Variants in ADAM15 observed in about 807,000 individuals in gnomAD.
ADAM15 encodes the protein ADAM metallopeptidase domain 15.
Under a neutral mutation model 113.8 loss-of-function variants are expected in ADAM15, and 77 were observed. The ratio of observed to expected loss-of-function variants is 0.68; its 90% CI spans 0.56 to 0.82. ADAM15 has a LOEUF of 0.82. Ranked by LOEUF, ADAM15 falls within the 40% of genes least tolerant of loss-of-function variation. The probability of loss-of-function intolerance (pLI) is 0.00; values close to 1 mark genes in which losing one functional copy is unlikely to be tolerated. For missense variants in ADAM15, 963 were observed against 1,120.1 expected (o/e 0.86, Z 2.00); for synonymous variants, 388 against 454.1 (o/e 0.85, Z 1.85).
At chr1:155,055,325 A>G (rs1661611023) in intron 6 of ADAM15, 1 of 165,672 alleles carries the variant, frequency 6.0e-6, no homozygotes, top group African/African-American at 2.4e-5. Context: ...TCCCAGGTTC[A>G]CGCCATTCTC....
chr1:155,060,398 G>T, intron 18 of ADAM15, 55 bp downstream of exon 18: 1 of 1,600,010 alleles, frequency 6.2e-7, no homozygotes, highest in Non-Finnish European at 8.5e-7. Context: ...AGTGCTGAAG[G>T]CTGCCTCACC....
intron 16 of ADAM15, among the ~76,000 whole-genome samples, chr1:155,059,539 G>A (rs1412363067): frequency 6.6e-6 from 1 of 152,148 alleles, no homozygotes; most frequent in African/African-American, 2.4e-5. Flanking sequence ...TGAGGCAGGA[G>A]GACTGCTTGA....
In ADAM15 at chr1:155,053,086, A is replaced by T. The variant is rs1661293850; in HGVS notation, c.186+309A>T. On this transcript the variant is annotated intron_variant, in intron 2 of 22. Coordinates refer to ENST00000356955, the MANE Select transcript of ADAM15 (RefSeq NM_207197.3). ...CGGTTTTCTCAGTGGGGGGATTTGG[A>T]AAGAGTCAGGACCTTACCAAACCCC... 2.0e-5 allele frequency among the ~76,000 whole-genome samples: 3 copies of T among 150,292 alleles called. 1 individual carries two copies. Among genetic ancestry groups the T allele is most frequent in the African/African-American group, 7.4e-5 (3 of 40,648 alleles).
rs1426720563 is a variant in ADAM15, at chr1:155,054,349, C to A, written c.455C>A (p.Thr152Asn). The change falls in exon 6 of 23, where the codon ACC becomes AAC. Residue 152 changes from threonine to asparagine, a missense_variant. By Grantham distance (65) the Thr-to-Asn change is moderately conservative (BLOSUM62 0). Transcript: ENST00000356955. ...LVVLTPERSYTLEQGPGDLQG... is the reference protein window; with the variant it reads ...LVVLTPERSYNLEQGPGDLQG... ...GTCCTGACCCCAGAGAGAAGCTATA[C>A]CCTGGAGCAGGGGCCTGGGGACCTT... 5 of 1,610,474 alleles carry A rather than the reference C, an allele frequency of 3.1e-6. No homozygotes were observed. In the African/African-American group the frequency reaches 5.4e-5, roughly 17 times the overall value.
rs1290004148 is a variant in ADAM15, at chr1:155,056,455, A to G, written c.984A>G (p.Ser328=). The G allele has an allele frequency of 6.2e-7, 1 of 1,613,954 alleles. No homozygotes were observed. Among genetic ancestry groups the G allele is most frequent in the Admixed American group, 1.7e-5 (1 of 60,026 alleles). The part of the protein sequence containing the change: ...IQNSICSPDF[S]GGVNMDHSTS... ...ACTCCATCTGTTCTCCTGACTTCTC[A>G]GGAGGTGTGAACATGGTGAGTTATT... Residue 328 remains serine (S), a synonymous_variant, in exon 10 of 23, where the codon TCA becomes TCG. Transcript: ENST00000356955. This position sits in a 1 kb window ranked among gnomAD's most constrained non-coding sequence, Gnocchi z 4.0.
At position 155,053,926 on chromosome 1, in the gene ADAM15, C is replaced by T. The variant is rs200779682; in HGVS notation, c.280C>T (p.Arg94Cys). 37 of 1,614,098 alleles carry T rather than the reference C, an allele frequency of 2.3e-5. No individual in the cohort carries two copies. The highest frequency in any genetic ancestry group is 1.3e-4 in the East Asian group (6 of 44,882). The change falls in exon 4 of 23, where the codon CGC (arginine) becomes TGC (cysteine). Residue 94 changes from arginine (R) to cysteine (C), a missense_variant. Coordinates refer to ENST00000356955, the MANE Select transcript of ADAM15 (RefSeq NM_207197.3). ...ACTCCACAGGGAGTTGGTCCCAGGC[C>T]GCCCAACCCTGGTGTGGTACCAGCC... The part of the protein sequence containing the change: ...LLQNRELVPG[R>C]PTLVWYQPDG...
chr1:155,056,933 G>T lies in ADAM15; in HGVS notation c.1000-20G>T, dbSNP rs368689211. On this transcript the variant is annotated intron_variant, in intron 10 of 22. Transcript: ENST00000356955. The surrounding 1 kb of genome is among the most constrained non-coding windows in gnomAD (Gnocchi z 4.0). Reference sequence around the variant, plus strand: ...GAGGCAGGCTGGGACTGGACCTACAGTACCCCTCCCCAATGACAGGACCAC... The same window carrying T: ...GAGGCAGGCTGGGACTGGACCTACATTACCCCTCCCCAATGACAGGACCAC... The T allele has an allele frequency of 1.5e-4, 236 of 1,540,998 alleles. 1 individual carries two copies. In the South Asian group the frequency reaches 2.2e-3, roughly 15 times the overall value.
rs1484663219 is a variant in ADAM15 at position 155,058,911 on chromosome 1, C to A, written c.1995+124C>A. ...GCTCTACTACTTCCCAGTTGTGTGACCTCGGGCAGGTTACTAACTTTGCTG... is the reference window on the plus strand; with the variant it reads ...GCTCTACTACTTCCCAGTTGTGTGAACTCGGGCAGGTTACTAACTTTGCTG... On this transcript the variant is annotated intron_variant, in intron 16 of 22. Transcript: ENST00000356955. This position sits in a 1 kb window ranked among gnomAD's most constrained non-coding sequence, Gnocchi z 4.3. 6 of 1,305,856 alleles carry A rather than the reference C, an allele frequency of 4.6e-6. No homozygotes were observed. Among genetic ancestry groups the A allele is most frequent in the Non-Finnish European group, 6.2e-6 (6 of 975,364 alleles). 80.9% of individuals were successfully genotyped at this position (1,305,856 alleles called of 1,614,324 possible). A position where few individuals can be genotyped will look rare whatever the true frequency, so the allele number is the denominator to read the frequency against.
At position 155,061,413 on chromosome 1, in the gene ADAM15, A is replaced by G; in HGVS notation, c.2278-2A>G. ...GCCTATCTGCCCCTCCTGCCCTCTC[A>G]GCAGGCTAGTGCTCTCAGCTTCCCG... On this transcript the variant is annotated splice_acceptor_variant, in intron 19 of 22. Coordinates refer to ENST00000356955, the MANE Select transcript of ADAM15 (RefSeq NM_207197.3). LOFTEE classifies it high-confidence loss of function. 6.2e-7 allele frequency: 1 copy of G among 1,612,446 alleles called. No homozygotes were observed. Among genetic ancestry groups the G allele is most frequent in the Non-Finnish European group, 8.5e-7 (1 of 1,179,394 alleles).
chr1:155,053,370 A>C (rs200852618), intron 2 of ADAM15, 47 bp from the exon 3 acceptor site: 1 of 1,559,692 alleles, frequency 6.4e-7, no homozygotes, highest in Middle Eastern at 1.7e-4. Flanking sequence ...AGAGGCTGGG[A>C]GTTGTGGACA....
At chr1:155,051,492 G>C (rs754235008) in intron 1 of ADAM15, 27 bp downstream of exon 1, 26 of 1,517,814 alleles carry the variant, frequency 1.7e-5, no homozygotes, top group Non-Finnish European at 2.2e-5. Context: ...GAGTGGGTCG[G>C]GGGGCGGACT....
chr1:155,053,111 C>CA (rs576150765), intron 2 of ADAM15, among the ~76,000 whole-genome samples: 1 of 125,870 alleles, frequency 7.9e-6, no homozygotes, highest in Non-Finnish European at 1.7e-5. Flanking sequence ...TACCAAACCC[C>CA]CCCCCCCCCA....
chr1:155,054,819 G>A (rs1229887829), intron 6 of ADAM15, among the ~76,000 whole-genome samples: 2 of 152,094 alleles, frequency 1.3e-5, no homozygotes, highest in Non-Finnish European at 2.9e-5. Flanking sequence ...TCAGTGGGCC[G>A]AGATCGAGCC....
At chr1:155,054,795 A>C (rs1661542056) in intron 6 of ADAM15, among the ~76,000 whole-genome samples, 1 of 152,172 alleles carries the variant, frequency 6.6e-6, no homozygotes, top group Non-Finnish European at 1.5e-5. Context: ...GCTTGAGCCC[A>C]GGAGGCAGAG....
rs750279651 is a variant in ADAM15, at chr1:155,061,452, G to A, written c.2315G>A (p.Arg772Lys). ...SALSFPAPPSRPLPPDPVSKR... is the reference protein window; with the variant it reads ...SALSFPAPPSKPLPPDPVSKR... ...CTCAGCTTCCCGGCCCCCCCTTCCAGGCCGCTGCCGCCTGACCCTGTGTCC... is the reference window on the plus strand; with the variant it reads ...CTCAGCTTCCCGGCCCCCCCTTCCAAGCCGCTGCCGCCTGACCCTGTGTCC... Residue 772 changes from arginine (R) to lysine (K), a missense_variant, in exon 20 of 23, where the codon AGG becomes AAG. By Grantham distance (26) the Arg-to-Lys change is conservative. Transcript: ENST00000356955. 6.8e-6 allele frequency: 11 copies of A among 1,613,558 alleles called. No individual in the cohort carries two copies. Among genetic ancestry groups the A allele is most frequent in the Non-Finnish European group, 9.3e-6 (11 of 1,179,858 alleles).
At chr1:155,060,866 C>T in intron 19 of ADAM15, 34 bp downstream of exon 19, 1 of 1,591,038 alleles carries the variant, frequency 6.3e-7, no homozygotes. Context: ...GGGGACTCCA[C>T]CTTGGCCGGG....
Position 155,061,980 on chromosome 1 carries a change from C to T in ADAM15, c.2424+5C>T, listed in dbSNP as rs1006104873. The T allele has an allele frequency of 1.9e-6, 3 of 1,578,352 alleles. No individual in the cohort carries two copies. Among genetic ancestry groups the T allele is most frequent in the Admixed American group, 1.8e-5 (1 of 55,950 alleles). ...CCGGTGGTGAGAAGCCCGAAGGTAACGGTGGGGGGAGAGAAGGGCACGGCC... is the reference window on the plus strand; with the variant it reads ...CCGGTGGTGAGAAGCCCGAAGGTAATGGTGGGGGGAGAGAAGGGCACGGCC... On this transcript the variant is annotated splice_donor_5th_base_variant and intron_variant, in intron 21 of 22. Transcript: ENST00000356955.
Position 155,058,760 on chromosome 1 carries a change from A to G in ADAM15, c.1968A>G (p.Glu656=). The G allele has an allele frequency of 6.2e-7, 1 of 1,608,286 alleles. No homozygotes were observed. Among genetic ancestry groups the G allele is most frequent in the Non-Finnish European group, 8.5e-7 (1 of 1,177,640 alleles). The part of the protein sequence containing the change: ...CQRVDLLGAQ[E]CRSKCHGHGV... Reference sequence around the variant, plus strand: ...GTGTGGATCTCCTGGGGGCACAGGAATGTCGAAGCAAATGCCATGGACATG... The same window carrying G: ...GTGTGGATCTCCTGGGGGCACAGGAGTGTCGAAGCAAATGCCATGGACATG... Residue 656 remains glutamate, a synonymous_variant, in exon 16 of 23, where the codon GAA becomes GAG. Coordinates refer to ENST00000356955, the MANE Select transcript of ADAM15 (RefSeq NM_207197.3). The surrounding 1 kb of genome is among the most constrained non-coding windows in gnomAD (Gnocchi z 4.3).
chr1:155,057,380 A>T lies in ADAM15; in HGVS notation c.1323+18A>T, dbSNP rs1449078948. 4 of 1,613,720 alleles carry T rather than the reference A, an allele frequency of 2.5e-6. No individual in the cohort carries two copies. The highest frequency in any genetic ancestry group is 3.4e-6 in the Non-Finnish European group (4 of 1,179,754). ...TCCTGGATGTGAGCCCCTTTCCCAA[A>T]GCCTCGCCCCACTCACTTCTGTACC... On this transcript the variant is annotated intron_variant, in intron 12 of 22. Transcript: ENST00000356955. This position sits in a 1 kb window ranked among gnomAD's most constrained non-coding sequence, Gnocchi z 5.0.
Sources: gnomAD v4.1 joint callset for allele counts (sites outside exome capture counted in the v4.1 genomes callset) on GRCh38, gnomAD v4.1.1 for gene constraint, Gnocchi (gnomAD v3.1) non-coding constraint, MANE v1.5 for transcripts, NCBI Gene and HGNC (gene_info 2026-07-23, HGNC 2026-07-21) for gene names.